MARCHF1: variants seen among roughly 807,000 people sequenced by gnomAD.
MARCHF1 encodes the protein membrane associated ring-CH-type finger 1.
MARCHF1 carries 40 observed loss-of-function variants against 54.2 expected under a neutral mutation model. That is an observed-to-expected ratio of 0.74 (90% CI 0.57 to 0.96). The LOEUF (loss-of-function observed/expected upper bound fraction) is 0.96, where lower values mean the gene tolerates loss of function less well. MARCHF1 is among the 40% of genes least tolerant of loss of function. The pLI is 0.00. For synonymous variants in MARCHF1, 236 were observed against 236.3 expected, an observed-to-expected ratio of 1.00 and a Z score of 0.01; for missense variants, 586 against 656.5, an observed-to-expected ratio of 0.89 and a Z score of 1.17.
intron 1 of MARCHF1, among the ~76,000 whole-genome samples, chr4:164,322,191 T>C (rs530405796): frequency 3.9e-4 from 60 of 152,216 alleles, no homozygotes; most frequent in African/African-American, 1.3e-3. Context: ...TTTACTAAAT[T>C]ATTGATTAGA....
intron 1 of MARCHF1, among the ~76,000 whole-genome samples, chr4:164,351,178 C>G (rs1243407815): frequency 6.6e-6 from 1 of 151,694 alleles, no homozygotes; most frequent in African/African-American, 2.4e-5. Flanking sequence ...GGCAGCGAGG[C>G]TGGGGTAGGG....
chr4:163,652,349 T>C (rs1472535173), intron 5 of MARCHF1, among the ~76,000 whole-genome samples: 1 of 151,846 alleles, frequency 6.6e-6, no homozygotes, highest in Non-Finnish European at 1.5e-5. Context: ...ACACATGAGA[T>C]ACGTCTTTGT....
At chr4:163,662,464 A>C (rs1743375442) in intron 5 of MARCHF1, among the ~76,000 whole-genome samples, 1 of 151,934 alleles carries the variant, frequency 6.6e-6, no homozygotes, top group South Asian at 2.1e-4. Flanking sequence ...CCAAACTTCC[A>C]AATTATTTTT....
At chr4:163,916,652 A>G (rs930577224) in intron 3 of MARCHF1, among the ~76,000 whole-genome samples, 1 of 152,060 alleles carries the variant, frequency 6.6e-6, no homozygotes, top group African/African-American at 2.4e-5. Context: ...TGCCGCATGT[A>G]TCTTCTTGTG....
chr4:164,382,644 A>G (rs1731401920), intron 1 of MARCHF1, among the ~76,000 whole-genome samples: 2 of 152,326 alleles, frequency 1.3e-5, no homozygotes, highest in South Asian at 4.1e-4. Context: ...ACACATTGAC[A>G]TTAGAAACAG....
chr4:164,126,821 C>T (rs1560916826), intron 1 of MARCHF1, among the ~76,000 whole-genome samples: 1 of 152,060 alleles, frequency 6.6e-6, no homozygotes, highest in South Asian at 2.1e-4. Flanking sequence ...TTTGGGAGGC[C>T]GAGGCAGGCG....
chr4:163,857,167 T>A lies in MARCHF1; in HGVS notation c.-38-2998A>T, dbSNP rs367814125. Among the ~76,000 whole-genome samples, 252 of 151,136 alleles carry A rather than the reference T, an allele frequency of 1.7e-3. 10 individuals carry two copies. In the South Asian group the frequency reaches 0.051, roughly 31 times the overall value. On this transcript the variant is annotated intron_variant, in intron 3 of 9. Coordinates refer to ENST00000514618, the MANE Select transcript of MARCHF1 (RefSeq NM_001394959.1). The stretch of plus-strand genomic sequence containing the variant: ...AATCCCTGTTGGTAAGGGAGAGTTA[T>A]AATTGCCCAATAACAATATGTTCTT...
At chr4:164,121,082 C>T (rs1445835940) in intron 1 of MARCHF1, among the ~76,000 whole-genome samples, 1 of 151,464 alleles carries the variant, frequency 6.6e-6, no homozygotes. Flanking sequence ...AACCTTTAGC[C>T]AGTTGAAGAA....
intron 5 of MARCHF1, among the ~76,000 whole-genome samples, chr4:163,636,007 C>T (rs980691000): frequency 1.3e-5 from 2 of 152,138 alleles, no homozygotes; most frequent in African/African-American, 4.8e-5. Context: ...ATGATTATCT[C>T]AATAGATGCA....
intron 1 of MARCHF1, among the ~76,000 whole-genome samples, chr4:164,339,314 A>G (rs1056268487): frequency 2.0e-5 from 3 of 152,198 alleles, no homozygotes; most frequent in African/African-American, 7.2e-5. Context: ...AAAGACAGAT[A>G]ATATATGTTG....
intron 4 of MARCHF1, among the ~76,000 whole-genome samples, chr4:163,775,287 G>C (rs1747273488): frequency 6.6e-6 from 1 of 151,856 alleles, no homozygotes; most frequent in African/African-American, 2.4e-5. Context: ...TATCAGACAG[G>C]GTTCTAATCA....
At chr4:163,739,316 C>G (rs1211857850) in intron 4 of MARCHF1, among the ~76,000 whole-genome samples, 2 of 152,132 alleles carry the variant, frequency 1.3e-5, no homozygotes, top group Non-Finnish European at 2.9e-5. Context: ...GATCACTGGA[C>G]AAGTCACAAA....
chr4:164,307,142 C>T (rs1433014186), intron 1 of MARCHF1, among the ~76,000 whole-genome samples: 5 of 152,094 alleles, frequency 3.3e-5, no homozygotes. Flanking sequence ...CCACCCACAC[C>T]TCATTTCTTG....
At chr4:164,272,759 A>T (rs1198912091) in intron 1 of MARCHF1, among the ~76,000 whole-genome samples, 1 of 152,026 alleles carries the variant, frequency 6.6e-6, no homozygotes, top group Admixed American at 6.5e-5. Context: ...TTATAGCTAC[A>T]TTATATATTT....
chr4:163,949,571 G>A (rs1752092035), intron 3 of MARCHF1, among the ~76,000 whole-genome samples: 1 of 152,244 alleles, frequency 6.6e-6, no homozygotes, highest in Non-Finnish European at 1.5e-5. Flanking sequence ...GAAAGAATGA[G>A]TTACACAGAC....
intron 2 of MARCHF1, among the ~76,000 whole-genome samples, chr4:164,068,970 G>T (rs985424139): frequency 2.6e-5 from 4 of 152,086 alleles, no homozygotes; most frequent in African/African-American, 9.7e-5. Context: ...TCGGCACTCT[G>T]TATCTAGTTA....
chr4:163,831,456 T>C (rs1749022397), intron 4 of MARCHF1, among the ~76,000 whole-genome samples: 1 of 151,914 alleles, frequency 6.6e-6, no homozygotes, highest in Non-Finnish European at 1.5e-5. Context: ...CTGTGCACGA[T>C]GGTATGTGCC....
intron 5 of MARCHF1, among the ~76,000 whole-genome samples, chr4:163,630,481 A>G (rs1184640377): frequency 6.6e-6 from 1 of 152,170 alleles, no homozygotes; most frequent in Non-Finnish European, 1.5e-5. Context: ...GTTGATAGAA[A>G]TGTTCTACGT....
intron 2 of MARCHF1, among the ~76,000 whole-genome samples, chr4:164,088,953 C>CT (rs370325362): frequency 6.6e-6 from 1 of 152,026 alleles, no homozygotes; most frequent in Non-Finnish European, 1.5e-5. Context: ...ATGGATAATT[C>CT]TTTTTTTAGA....
Sources: gnomAD v4.1 joint callset for allele counts (sites outside exome capture counted in the v4.1 genomes callset) on GRCh38, gnomAD v4.1.1 for gene constraint, MANE v1.5 for transcripts, NCBI Gene and HGNC (gene_info 2026-07-23, HGNC 2026-07-21) for gene names.